FAM47E: variants seen among roughly 807,000 people sequenced by gnomAD.
FAM47E encodes the protein protein FAM47E.
Under a neutral mutation model 41.6 loss-of-function variants are expected in FAM47E, and 32 were observed. That is an observed-to-expected ratio of 0.77 (90% CI 0.58 to 1.03). FAM47E has a LOEUF of 1.03. FAM47E is among the 50% of genes least tolerant of loss of function. The pLI is 0.00. For synonymous variants in FAM47E, 184 were observed against 188.7 expected, an observed-to-expected ratio of 0.98 and a Z score of 0.20; for missense variants, 424 against 485.4, an observed-to-expected ratio of 0.87 and a Z score of 1.19.
At chr4:76,249,771 T>A (rs558831538), upstream of FAM47E, among the ~76,000 whole-genome samples, 1 of 152,228 alleles carries the variant, frequency 6.6e-6, no homozygotes, top group Admixed American at 6.5e-5. Context: ...AGCTCCTACT[T>A]ATGAGTGAGA....
chr4:76,228,493 AAAG>A, intron 2 of FAM47E, among the ~76,000 whole-genome samples: 1 of 132,884 alleles, frequency 7.5e-6, no homozygotes, highest in African/African-American at 2.7e-5. Context: ...AAAAAAAAAG[AAAG>A]AAAGAAAAAA....
chr4:76,245,814 A>G (rs1733814858), intron 2 of FAM47E, among the ~76,000 whole-genome samples: 1 of 152,138 alleles, frequency 6.6e-6, no homozygotes, highest in Non-Finnish European at 1.5e-5. Context: ...CCTATTGCAG[A>G]TGGCTCAGGC....
intron 3 of FAM47E, chr4:76,267,745 G>A (rs1165100273): frequency 6.6e-6 from 1 of 152,224 alleles, no homozygotes; most frequent in African/African-American, 2.4e-5. Context: ...CAACATGGAT[G>A]AGCCTTGAAA....
chr4:76,217,579 G>A, exon 2 of FAM47E: 1 of 521,546 alleles, frequency 1.9e-6, no homozygotes, highest in Non-Finnish European at 3.5e-6. Context: ...GCCTTCCCAG[G>A]AGTGGAAGCA....
chr4:76,273,926 A>G (rs1298282968), intron 5 of FAM47E, among the ~76,000 whole-genome samples: 2 of 151,730 alleles, frequency 1.3e-5, no homozygotes, highest in East Asian at 3.9e-4. Context: ...CCTATGTTAT[A>G]ATTTTTATCT....
intron 2 of FAM47E, among the ~76,000 whole-genome samples, chr4:76,260,163 C>G (rs1192759445): frequency 6.6e-6 from 1 of 152,058 alleles, no homozygotes; most frequent in East Asian, 1.9e-4. Context: ...GATTCAATGC[C>G]ATTCCTGTAA....
intron 2 of FAM47E, among the ~76,000 whole-genome samples, chr4:76,242,659 T>G (rs1733735653): frequency 6.6e-6 from 1 of 152,218 alleles, no homozygotes; most frequent in Non-Finnish European, 1.5e-5. Flanking sequence ...AATGAATACT[T>G]GAAATGTGGC....
chr4:76,268,594 A>G, intron 3 of FAM47E, 66 bp from the exon 4 acceptor site: 2 of 1,491,992 alleles, frequency 1.3e-6, no homozygotes, highest in Non-Finnish European at 1.8e-6. Flanking sequence ...TGCCTCTAAA[A>G]CTGTTTGAAA....
intron 2 of FAM47E, among the ~76,000 whole-genome samples, chr4:76,228,903 A>G (rs550673164): frequency 7.3e-6 from 1 of 137,172 alleles, no homozygotes; most frequent in African/African-American, 2.6e-5. Context: ...GATCTCCAGC[A>G]AGGCCAGGAA....
chr4:76,249,229 A>G (rs1284372978), upstream of FAM47E, among the ~76,000 whole-genome samples: 1 of 152,174 alleles, frequency 6.6e-6, no homozygotes, highest in Non-Finnish European at 1.5e-5. Context: ...CTCTGTCTCA[A>G]AAAAGAAAAC....
chr4:76,231,852 TAA>T (rs1408305797), intron 2 of FAM47E, among the ~76,000 whole-genome samples: 2 of 152,186 alleles, frequency 1.3e-5, no homozygotes, highest in Admixed American at 1.3e-4. Flanking sequence ...AGGGACTGTG[TAA>T]ACAAGGGTAT....
chr4:76,218,115 C>T (rs958120953), intron 2 of FAM47E, among the ~76,000 whole-genome samples: 1 of 152,204 alleles, frequency 6.6e-6, no homozygotes, highest in Non-Finnish European at 1.5e-5. Flanking sequence ...ATCACTTGAT[C>T]CCAGGAGTTT....
intron 5 of FAM47E, among the ~76,000 whole-genome samples, chr4:76,274,762 T>C (rs1735027917): frequency 6.6e-6 from 1 of 152,156 alleles, no homozygotes; most frequent in Admixed American, 6.5e-5. Flanking sequence ...TTCCTTTTGG[T>C]TCTTTCCCTG....
chr4:76,225,007 A>G (rs756644257), intron 2 of FAM47E, among the ~76,000 whole-genome samples: 10 of 152,226 alleles, frequency 6.6e-5, no homozygotes, highest in Non-Finnish European at 1.0e-4. Flanking sequence ...GCATCCTCAT[A>G]GCTTAGCTCC....
intron 2 of FAM47E, among the ~76,000 whole-genome samples, chr4:76,233,712 C>T (rs11097297): frequency 0.36 from 54,847 of 151,840 alleles, 10,791 homozygotes; most frequent in East Asian, 0.8. Context: ...CATCCAGATA[C>T]CAACCACAGC....
chr4:76,230,715 AG>A (rs1733477560), intron 2 of FAM47E, among the ~76,000 whole-genome samples: 1 of 152,140 alleles, frequency 6.6e-6, no homozygotes, highest in African/African-American at 2.4e-5. Context: ...CGACCTTGGC[AG>A]TCACCACCAT....
chr4:76,244,525 G>A (rs1365017493), intron 2 of FAM47E, among the ~76,000 whole-genome samples: 1 of 147,882 alleles, frequency 6.8e-6, no homozygotes, highest in African/African-American at 2.5e-5. Flanking sequence ...TTGTTTGCAG[G>A]CATTCTTCTT....
chr4:76,263,168 A>T (rs1393928480), intron 2 of FAM47E, among the ~76,000 whole-genome samples: 1 of 152,214 alleles, frequency 6.6e-6, no homozygotes, highest in Non-Finnish European at 1.5e-5. Flanking sequence ...ATTGCCAAAC[A>T]TAGTGGTATG....
intron 1 of FAM47E, among the ~76,000 whole-genome samples, chr4:76,252,935 G>A (rs763483284): frequency 2.6e-5 from 4 of 152,100 alleles, no homozygotes; most frequent in Non-Finnish European, 5.9e-5. Flanking sequence ...GCACTCAGGT[G>A]TGTGAGTTCT....
Sources: gnomAD v4.1 joint callset for allele counts (sites outside exome capture counted in the v4.1 genomes callset) on GRCh38, gnomAD v4.1.1 for gene constraint, MANE v1.5 for transcripts, NCBI Gene and HGNC (gene_info 2026-07-23, HGNC 2026-07-21) for gene names.